RUNX1: variants seen among roughly 807,000 people sequenced by gnomAD.
RUNX1 encodes runt-related transcription factor 1.
RUNX1 carries 19 observed loss-of-function variants against 42.8 expected under a neutral mutation model. The observed-to-expected ratio is 0.44, with a 90% CI of 0.31 to 0.65. RUNX1 has a LOEUF of 0.65. Ranked by LOEUF, RUNX1 falls within the 30% of genes least tolerant of loss-of-function variation. RUNX1 has a pLI of 0.07. For synonymous variants in RUNX1, 271 were observed against 289.4 expected (o/e 0.94, Z 0.64); for missense variants, 528 against 672.0 (o/e 0.79, Z 2.37).
intron 2 of RUNX1, among the ~76,000 whole-genome samples, chr21:34,939,486 AAGAG>A (rs1186088299): frequency 6.6e-6 from 1 of 152,222 alleles, no homozygotes; most frequent in Non-Finnish European, 1.5e-5. Context: ...GAAAACACGT[AAGAG>A]AGAGTTTGCC....
At chr21:34,962,653 G>A (rs147402844) in intron 2 of RUNX1, among the ~76,000 whole-genome samples, 2 of 152,176 alleles carry the variant, frequency 1.3e-5, no homozygotes, top group South Asian at 2.1e-4. Context: ...AAAAGATCTC[G>A]GCTATACAGT....
intron 2 of RUNX1, among the ~76,000 whole-genome samples, chr21:35,011,363 G>A (rs573526058): frequency 7.2e-5 from 11 of 152,050 alleles, no homozygotes; most frequent in Admixed American, 2.0e-4. Flanking sequence ...CCCCAGCTCC[G>A]GGGCAGTGAG....
At chr21:34,964,912 G>C (rs991029958) in intron 2 of RUNX1, among the ~76,000 whole-genome samples, 1 of 151,858 alleles carries the variant, frequency 6.6e-6, no homozygotes, top group African/African-American at 2.4e-5. Context: ...ACACTCACAC[G>C]CATGCACACT....
rs1287690239 is a variant in RUNX1, at chr21:34,888,547, G to A, written c.98-1451C>T. 3.8e-6 allele frequency: 4 copies of A among 1,064,374 alleles called. No individual in the cohort carries two copies. The African/African-American group carries it at 4.9e-5, about 13-fold the overall frequency. The allele number at this position is 1,064,374 out of a possible 1,614,324, so 65.9% of individuals were successfully genotyped here. A position where few individuals can be genotyped will look rare whatever the true frequency, so the allele number is the denominator to read the frequency against. On this transcript the variant is annotated intron_variant, in intron 3 of 8. Coordinates refer to ENST00000675419, the MANE Select transcript of RUNX1 (RefSeq NM_001754.5). The stretch of plus-strand genomic sequence containing the variant: ...AAAAGGAAGGTCCAACGCAGGCCAA[G>A]GAGAAGCAGCAGAGGTTGACTTCCT...
intron 6 of RUNX1, among the ~76,000 whole-genome samples, chr21:34,851,517 C>T (rs1172786509): frequency 6.6e-6 from 1 of 152,164 alleles, no homozygotes; most frequent in Non-Finnish European, 1.5e-5. Flanking sequence ...AAACCCAGGT[C>T]CCTAAATTCA....
At chr21:34,799,537 G>A (rs2145910617) in intron 7 of RUNX1, 75 bp from the exon 8 acceptor site, 1 of 1,352,756 alleles carries the variant, frequency 7.4e-7, no homozygotes, top group Non-Finnish European at 1.1e-6. Context: ...TAAGAAATGA[G>A]TGGCCCTTGT....
chr21:34,976,699 ACAGAGAACC>A (rs1049033063), intron 2 of RUNX1, among the ~76,000 whole-genome samples: 4 of 152,248 alleles, frequency 2.6e-5, no homozygotes, highest in African/African-American at 7.2e-5. Context: ...CAAAAATCAA[ACAGAGAACC>A]TAGAGAACTA....
At chr21:35,037,716 G>A (rs549710540) in intron 2 of RUNX1, among the ~76,000 whole-genome samples, 5 of 152,288 alleles carry the variant, frequency 3.3e-5, no homozygotes, top group African/African-American at 1.2e-4. Flanking sequence ...GATTAATAAT[G>A]AGAGCACCTA....
intron 2 of RUNX1, among the ~76,000 whole-genome samples, chr21:34,894,956 T>G (rs1292180962): frequency 2.7e-5 from 4 of 149,980 alleles, no homozygotes; most frequent in Non-Finnish European, 1.5e-5. Flanking sequence ...TAGGTCCACA[T>G]GCATGGTAAG....
At chr21:34,974,495 C>T (rs2058786256) in intron 2 of RUNX1, among the ~76,000 whole-genome samples, 1 of 152,030 alleles carries the variant, frequency 6.6e-6, no homozygotes. Flanking sequence ...AGAGAGCTCA[C>T]TGTGTTTGGC....
chr21:35,016,257 C>T (rs1478059357), intron 2 of RUNX1, among the ~76,000 whole-genome samples: 4 of 152,160 alleles, frequency 2.6e-5, no homozygotes, highest in African/African-American at 9.7e-5. Context: ...TTCCCTTGCG[C>T]GTGGGGTGTG....
At chr21:35,005,052 G>C (rs1455440765) in intron 2 of RUNX1, among the ~76,000 whole-genome samples, 2 of 152,054 alleles carry the variant, frequency 1.3e-5, no homozygotes, top group African/African-American at 4.8e-5. Flanking sequence ...CACAAAAACT[G>C]CTGTCACCAC....
In RUNX1 at chr21:34,901,690, G is replaced by A. The variant is rs2058179107; in HGVS notation, c.59-8727C>T. Among the ~76,000 whole-genome samples, 1 of 152,140 alleles carries A rather than the reference G, an allele frequency of 6.6e-6. No homozygotes were observed. Among genetic ancestry groups the A allele is most frequent in the Non-Finnish European group, 1.5e-5 (1 of 68,034 alleles). ...TCTTTGGTTCCGTCAGCTACAGACA[G>A]AGGTTATGTTTTAAGAGATAGACTG... On this transcript the variant is annotated intron_variant, in intron 2 of 8. Transcript: ENST00000675419. This position sits in a 1 kb window ranked among gnomAD's most constrained non-coding sequence, Gnocchi z 4.3.
At chr21:34,839,694 C>A (rs2057203964) in intron 6 of RUNX1, among the ~76,000 whole-genome samples, 1 of 152,100 alleles carries the variant, frequency 6.6e-6, no homozygotes, top group African/African-American at 2.4e-5. Context: ...GTAGGTTGGT[C>A]TAGGGTGAAG....
rs1186266717 is a variant in RUNX1 at position 34,789,039 on chromosome 21, GCTGT to G, written c.*3092_*3095del. 3.0e-5 allele frequency: 7 copies of G among 233,186 alleles called. No homozygotes were observed. Among genetic ancestry groups the G allele is most frequent in the African/African-American group, 6.6e-5 (3 of 45,332 alleles). 14.4% of individuals were successfully genotyped at this position (233,186 alleles called of 1,614,324 possible). On this transcript the variant is annotated 3_prime_UTR_variant, in exon 9 of 9. Transcript: ENST00000675419. ...CACAGAAACCCAAGGCAGCAGAAAG[GCTGT>G]CTATTTACTCACTGATTGTGATTTG...
intron 2 of RUNX1, among the ~76,000 whole-genome samples, chr21:35,044,273 C>T (rs748307923): frequency 7.9e-5 from 12 of 152,170 alleles, no homozygotes; most frequent in Non-Finnish European, 1.2e-4. Flanking sequence ...AACTTCCCCT[C>T]CCCCAACTCC....
chr21:34,872,225 T>C (rs1309184501), intron 5 of RUNX1, among the ~76,000 whole-genome samples: 1 of 152,232 alleles, frequency 6.6e-6, no homozygotes, highest in African/African-American at 2.4e-5. Context: ...ATGGACTCTC[T>C]GCTGAAGTAT....
chr21:34,993,932 A>G (rs547565758), intron 2 of RUNX1, among the ~76,000 whole-genome samples: 1 of 152,296 alleles, frequency 6.6e-6, no homozygotes, highest in Admixed American at 6.5e-5. Flanking sequence ...ATTCACTGAG[A>G]TTCTCCACTC....
chr21:34,962,175 G>A (rs1043775845), intron 2 of RUNX1, among the ~76,000 whole-genome samples: 4 of 152,214 alleles, frequency 2.6e-5, no homozygotes, highest in African/African-American at 9.6e-5. Flanking sequence ...TTATAAGCAT[G>A]TGCCACTGTG....
Sources: gnomAD v4.1 joint callset for allele counts (sites outside exome capture counted in the v4.1 genomes callset) on GRCh38, gnomAD v4.1.1 for gene constraint, Gnocchi (gnomAD v3.1) non-coding constraint, MANE v1.5 for transcripts, NCBI Gene and HGNC (gene_info 2026-07-23, HGNC 2026-07-21) for gene names.